Variants in ITGBL1 observed in about 807,000 individuals in gnomAD.
ITGBL1 encodes integrin beta-like protein 1.
Under a neutral mutation model 68.5 loss-of-function variants are expected in ITGBL1, and 51 were observed. The observed-to-expected ratio is 0.74, with a 90% CI of 0.59 to 0.94. The LOEUF is 0.94. ITGBL1 is among the 40% of genes least tolerant of loss of function. The pLI, the probability that ITGBL1 is intolerant of heterozygous loss-of-function variation, is 0.00. For synonymous variants in ITGBL1, 209 were observed against 227.3 expected (o/e 0.92, Z 0.72); for missense variants, 649 against 647.4 (o/e 1.00, Z -0.03).
intron 7 of ITGBL1, among the ~76,000 whole-genome samples, chr13:101,612,223 ATGGCC>A (rs2031164131): frequency 6.6e-6 from 1 of 152,210 alleles, no homozygotes; most frequent in Non-Finnish European, 1.5e-5. Context: ...ATAATACCAA[ATGGCC>A]TGGCATGGTA....
chr13:101,719,476 A>C (rs781663773), downstream of ITGBL1: 1 of 152,130 alleles, frequency 6.6e-6, no homozygotes, highest in Non-Finnish European at 1.5e-5. Flanking sequence ...AATGATGTTC[A>C]GTTCCATTTT....
At chr13:101,682,220 A>G (rs2033660522) in intron 7 of ITGBL1, among the ~76,000 whole-genome samples, 1 of 152,216 alleles carries the variant, frequency 6.6e-6, no homozygotes, top group Non-Finnish European at 1.5e-5. Flanking sequence ...TAAAGTTTTA[A>G]TCTATTTGTA....
downstream of ITGBL1, chr13:101,720,712 A>T (rs2139645122): frequency 6.6e-6 from 1 of 151,846 alleles, no homozygotes; most frequent in East Asian, 1.9e-4. Flanking sequence ...TGGTTAATGG[A>T]AGTTATCTAA....
intron 7 of ITGBL1, among the ~76,000 whole-genome samples, chr13:101,605,160 A>G (rs539000241): frequency 1.2e-5 from 1 of 82,660 alleles, no homozygotes; most frequent in South Asian, 3.8e-4. Context: ...ATGTGTGTGT[A>G]TATGCGTATA....
intron 7 of ITGBL1, among the ~76,000 whole-genome samples, chr13:101,680,613 C>A (rs1438040294): frequency 1.3e-5 from 2 of 151,870 alleles, no homozygotes; most frequent in Admixed American, 6.6e-5. Flanking sequence ...CCAAGCCTCC[C>A]AGCTGTGTTT....
intron 2 of ITGBL1, among the ~76,000 whole-genome samples, chr13:101,460,690 G>A (rs1190642417): frequency 6.6e-6 from 1 of 152,196 alleles, no homozygotes; most frequent in Non-Finnish European, 1.5e-5. Context: ...TTTGCAGGCT[G>A]TACAAGCAAG....
At chr13:101,678,162 A>G (rs548598502) in intron 7 of ITGBL1, among the ~76,000 whole-genome samples, 1 of 152,356 alleles carries the variant, frequency 6.6e-6, no homozygotes, top group African/African-American at 2.4e-5. Context: ...ATGAATTTGC[A>G]TCATCCCAAA....
intron 7 of ITGBL1, among the ~76,000 whole-genome samples, chr13:101,624,769 G>A (rs1309416525): frequency 6.6e-6 from 1 of 152,178 alleles, no homozygotes; most frequent in Non-Finnish European, 1.5e-5. Context: ...GCTTCCGGAA[G>A]GTGAAGGAGA....
intron 7 of ITGBL1, among the ~76,000 whole-genome samples, chr13:101,642,817 T>G (rs1486428126): frequency 4.0e-5 from 6 of 151,872 alleles, no homozygotes; most frequent in South Asian, 2.1e-4. Flanking sequence ...TTATTAAATG[T>G]GGAATCCTTT....
chr13:101,617,105 G>C, intron 7 of ITGBL1, among the ~76,000 whole-genome samples: 1 of 152,110 alleles, frequency 6.6e-6, no homozygotes, highest in African/African-American at 2.4e-5. Flanking sequence ...ACTTTTAGCT[G>C]TCACAATATA....
intron 7 of ITGBL1, among the ~76,000 whole-genome samples, chr13:101,656,752 A>G (rs1042629154): frequency 6.6e-6 from 1 of 152,198 alleles, no homozygotes. Flanking sequence ...TTTATCAAAC[A>G]TGTCTTTCAA....
intron 2 of ITGBL1, among the ~76,000 whole-genome samples, chr13:101,505,750 T>A (rs890359258): frequency 7.4e-5 from 11 of 149,092 alleles, no homozygotes; most frequent in African/African-American, 2.7e-4. Flanking sequence ...ATAGTCGATG[T>A]TCCCTTCCTC....
chr13:101,616,369 A>T, intron 7 of ITGBL1, among the ~76,000 whole-genome samples: 1 of 152,134 alleles, frequency 6.6e-6, no homozygotes. Flanking sequence ...AATATGAAGT[A>T]TTTTGGCTTA....
At chr13:101,546,140 G>T (rs985864310) in intron 2 of ITGBL1, among the ~76,000 whole-genome samples, 1 of 152,078 alleles carries the variant, frequency 6.6e-6, no homozygotes, top group Admixed American at 6.6e-5. Flanking sequence ...CTTTATGAAC[G>T]TTAGAACATG....
At chr13:101,560,696 G>A (rs555848746) in intron 2 of ITGBL1, among the ~76,000 whole-genome samples, 151 of 152,238 alleles carry the variant, frequency 9.9e-4, no homozygotes, top group African/African-American at 3.6e-3. Flanking sequence ...GTTTTAAAAT[G>A]TAAAACAAGT....
chr13:101,633,263 G>C (rs1002978724), intron 7 of ITGBL1, among the ~76,000 whole-genome samples: 7 of 152,092 alleles, frequency 4.6e-5, no homozygotes, highest in African/African-American at 1.4e-4. Context: ...GCCCCAAATT[G>C]ACCGTTTTCC....
intron 7 of ITGBL1, among the ~76,000 whole-genome samples, chr13:101,647,815 G>T (rs1328190739): frequency 6.6e-6 from 1 of 152,250 alleles, no homozygotes; most frequent in African/African-American, 2.4e-5. Context: ...TTCCACCCTG[G>T]TTTTTTTCTC....
At chr13:101,697,878 G>A (rs566633710) in intron 8 of ITGBL1, among the ~76,000 whole-genome samples, 11 of 152,292 alleles carry the variant, frequency 7.2e-5, no homozygotes, top group Admixed American at 6.5e-4. Flanking sequence ...ATCTGTCTCA[G>A]GTATCTGGAA....
chr13:101,592,442 A>C (rs771022239), intron 6 of ITGBL1, among the ~76,000 whole-genome samples: 2 of 152,176 alleles, frequency 1.3e-5, no homozygotes, highest in African/African-American at 2.4e-5. Flanking sequence ...TTAGGAATAA[A>C]ATTAACCAAG....
Sources: gnomAD v4.1 joint callset for allele counts (sites outside exome capture counted in the v4.1 genomes callset) on GRCh38, gnomAD v4.1.1 for gene constraint, MANE v1.5 for transcripts, NCBI Gene and HGNC (gene_info 2026-07-23, HGNC 2026-07-21) for gene names.